AACS: variants seen among roughly 807,000 people sequenced by gnomAD.
The protein encoded by AACS is acetoacetate-CoA ligase.
Under a neutral mutation model 83.1 loss-of-function variants are expected in AACS, and 69 were observed. The ratio of observed to expected loss-of-function variants is 0.83; its 90% CI spans 0.68 to 1.01. The LOEUF is 1.01. Among genes scored for constraint, AACS ranks in the 50% least tolerant of loss-of-function variants. The pLI, the probability that AACS is intolerant of heterozygous loss-of-function variation, is 0.00. For synonymous variants in AACS, 333 were observed against 343.4 expected (o/e 0.97, Z 0.33); for missense variants, 866 against 882.2 (o/e 0.98, Z 0.23).
chr12:125,067,893 A>G (rs1955749240), intron 1 of AACS, among the ~76,000 whole-genome samples: 1 of 152,214 alleles, frequency 6.6e-6, no homozygotes, highest in Non-Finnish European at 1.5e-5. Context: ...GGAGGAAGTC[A>G]TTGGATCTCT....
intron 10 of AACS, 69 bp downstream of exon 10, chr12:125,118,834 G>A: frequency 6.3e-7 from 1 of 1,582,964 alleles, no homozygotes; most frequent in Non-Finnish European, 8.6e-7. Flanking sequence ...GGGATCAGAT[G>A]CAGAGCTGTG....
chr12:125,080,357 C>G (rs1416705980), intron 3 of AACS, among the ~76,000 whole-genome samples: 2 of 152,102 alleles, frequency 1.3e-5, no homozygotes, highest in African/African-American at 4.8e-5. Flanking sequence ...AACTAAAAAT[C>G]TAAACCCAAA....
chr12:125,120,154 C>A (rs941958732), intron 10 of AACS: 1 of 152,186 alleles, frequency 6.6e-6, no homozygotes, highest in African/African-American at 2.4e-5. Flanking sequence ...CCCCCCGACC[C>A]CAACTCCTTC....
chr12:125,134,708 G>A, intron 15 of AACS, 86 bp from the exon 16 acceptor site: 1 of 1,452,606 alleles, frequency 6.9e-7, no homozygotes. Context: ...ATGGGAAAGT[G>A]GGGGGTGACT....
At chr12:125,086,480 G>A in intron 4 of AACS, 37 bp downstream of exon 4, 2 of 1,592,882 alleles carry the variant, frequency 1.3e-6, no homozygotes, top group Non-Finnish European at 1.7e-6. Flanking sequence ...TTTGAGGGAG[G>A]AGACCAAGGT....
At chr12:125,131,435 CT>C (rs752653644) in intron 14 of AACS, among the ~76,000 whole-genome samples, 5 of 152,044 alleles carry the variant, frequency 3.3e-5, no homozygotes, top group Non-Finnish European at 7.4e-5. Context: ...TGGTCTCGAA[CT>C]CTTGAGCTCA....
In AACS at chr12:125,097,287, G is replaced by A. The variant is rs561886411; in HGVS notation, c.571-5392G>A. Among the ~76,000 whole-genome samples, 5 of 152,260 alleles carry A rather than the reference G, an allele frequency of 3.3e-5. No individual in the cohort carries two copies. Among genetic ancestry groups the A allele is most frequent in the East Asian group, 1.9e-4 (1 of 5,176 alleles). ...CACCAAGGACGTCACTGAGGAAGGG[G>A]TACCGGGGGTACCCTTGAAATGGAG... On this transcript the variant is annotated intron_variant, in intron 5 of 17. Coordinates refer to ENST00000316519, the MANE Select transcript of AACS (RefSeq NM_023928.5). This position sits in a 1 kb window ranked among gnomAD's most constrained non-coding sequence, Gnocchi z 4.3.
chr12:125,074,000 G>T, intron 2 of AACS, 21 bp downstream of exon 2: 1 of 1,568,760 alleles, frequency 6.4e-7, no homozygotes, highest in Non-Finnish European at 8.8e-7. Flanking sequence ...ATTTTCCGTG[G>T]ATATCATCTC....
At position 125,078,098 on chromosome 12, in the gene AACS, C is replaced by G. The variant is rs1030803149; in HGVS notation, c.358+1487C>G. On this transcript the variant is annotated intron_variant, in intron 3 of 17. Coordinates refer to ENST00000316519, the MANE Select transcript of AACS (RefSeq NM_023928.5). ...CAGAAACTTCACTCACTCCCTAGAT[C>G]AGCACAAGAAACCAAACCACTGGAA... The G allele has an allele frequency of 1.3e-5, 6 of 455,842 alleles. No homozygotes were observed. The East Asian group carries it at 4.2e-4, about 32-fold the overall frequency. 28.2% of individuals were successfully genotyped at this position (455,842 alleles called of 1,614,324 possible). A position where few individuals can be genotyped will look rare whatever the true frequency, so the allele number is the denominator to read the frequency against.
intron 8 of AACS, among the ~76,000 whole-genome samples, chr12:125,110,192 TGTGTGTGTGTG>T (rs1956925203): frequency 4.5e-3 from 1 of 222 alleles, no homozygotes; most frequent in Non-Finnish European, 0.011. Flanking sequence ...GCTAAGTTTG[TGTGTGTGTGTG>T]TGTGTGTGTG....
At chr12:125,073,218 G>A (rs1156642995) in intron 1 of AACS, among the ~76,000 whole-genome samples, 3 of 152,112 alleles carry the variant, frequency 2.0e-5, no homozygotes, top group African/African-American at 7.2e-5. Flanking sequence ...GTGAGCCACC[G>A]CGTCTGGCCT....
At chr12:125,134,682 A>T in intron 15 of AACS, 112 bp from the exon 16 acceptor site, 1 of 1,152,526 alleles carries the variant, frequency 8.7e-7, no homozygotes, top group Non-Finnish European at 1.3e-6. Flanking sequence ...GTCCGTGACT[A>T]GTCCTGGGGG....
At chr12:125,080,227 C>T (rs963318351) in intron 3 of AACS, among the ~76,000 whole-genome samples, 5 of 152,140 alleles carry the variant, frequency 3.3e-5, no homozygotes, top group Admixed American at 2.6e-4. Flanking sequence ...TTTTCTTTTC[C>T]TCGTCTCTTT....
intron 17 of AACS, among the ~76,000 whole-genome samples, chr12:125,138,072 C>T (rs1294636730): frequency 2.6e-5 from 4 of 152,182 alleles, no homozygotes; most frequent in Non-Finnish European, 4.4e-5. Context: ...CTGGGGAGAG[C>T]GCTTGCAGCA....
rs1957513707 is a variant in AACS at position 125,142,333 on chromosome 12, G to T, written c.*104G>T. 16 of 1,477,982 alleles carry T rather than the reference G, an allele frequency of 1.1e-5. No individual in the cohort carries two copies. Among genetic ancestry groups the T allele is most frequent in the African/African-American group, 1.4e-5 (1 of 71,038 alleles). 91.6% of individuals were successfully genotyped at this position (1,477,982 alleles called of 1,614,324 possible). ...CTACAGCTGTTGTAAAAGGATGCTC[G>T]CACCAAGTGTTCTGTAGGCTTGGGG... On this transcript the variant is annotated 3_prime_UTR_variant, in exon 18 of 18. Transcript: ENST00000316519.
chr12:125,075,835 G>T lies in AACS; in HGVS notation c.238-656G>T, dbSNP rs191031810. On this transcript the variant is annotated intron_variant, in intron 2 of 17. Transcript: ENST00000316519. ...TCTCGAGCTCCTGACCTTGTGACCC[G>T]CCTGCCTCGGCCTCCCAAAGTGCTG... Among the ~76,000 whole-genome samples the T allele has an allele frequency of 2.5e-3, 380 of 151,626 alleles. 2 individuals carry two copies. Among genetic ancestry groups the T allele is most frequent in the African/African-American group, 8.9e-3 (366 of 41,302 alleles).
At chr12:125,106,349 G>T (rs542310424) in intron 7 of AACS, among the ~76,000 whole-genome samples, 1 of 152,208 alleles carries the variant, frequency 6.6e-6, no homozygotes, top group African/African-American at 2.4e-5. Context: ...CGCCCCTTTG[G>T]TGGTTCTTGG....
chr12:125,068,717 A>G (rs1374002915), intron 1 of AACS, among the ~76,000 whole-genome samples: 1 of 152,074 alleles, frequency 6.6e-6, no homozygotes, highest in Non-Finnish European at 1.5e-5. Context: ...TTGCTTGAAG[A>G]TCCAGCTCAA....
chr12:125,075,069 G>A (rs1001746559), intron 2 of AACS, among the ~76,000 whole-genome samples: 13 of 147,420 alleles, frequency 8.8e-5, no homozygotes, highest in Admixed American at 7.7e-4. Context: ...TCAACTCCCT[G>A]GTTCAAGTGA....
Sources: gnomAD v4.1 joint callset for allele counts (sites outside exome capture counted in the v4.1 genomes callset) on GRCh38, gnomAD v4.1.1 for gene constraint, Gnocchi (gnomAD v3.1) non-coding constraint, MANE v1.5 for transcripts, NCBI Gene and HGNC (gene_info 2026-07-23, HGNC 2026-07-21) for gene names.